Variants in DDX31 observed in about 807,000 individuals in gnomAD.
The protein encoded by DDX31 is ATP-dependent DNA helicase DDX31.
In DDX31, 70 loss-of-function variants were observed where a neutral mutation model predicts 91.3. The ratio of observed to expected loss-of-function variants is 0.77; its 90% CI spans 0.63 to 0.94. The LOEUF is 0.94. DDX31 is among the 40% of genes least tolerant of loss of function. The pLI is 0.00. For missense variants in DDX31, 902 were observed against 925.0 expected, an observed-to-expected ratio of 0.98 and a Z score of 0.32; for synonymous variants, 362 against 350.6, an observed-to-expected ratio of 1.03 and a Z score of -0.36.
chr9:132,624,827 C>A (rs1041523576), intron 17 of DDX31, among the ~76,000 whole-genome samples: 1 of 152,206 alleles, frequency 6.6e-6, no homozygotes, highest in Non-Finnish European at 1.5e-5. Flanking sequence ...TTAAGTCAGG[C>A]TCAGTGAAAC....
At chr9:132,628,658 C>T (rs917485109) in intron 16 of DDX31, among the ~76,000 whole-genome samples, 1 of 152,150 alleles carries the variant, frequency 6.6e-6, no homozygotes, top group Non-Finnish European at 1.5e-5. Flanking sequence ...TTGGGCTCTG[C>T]AACTGCTGTC....
At chr9:132,610,537 G>GTT (rs1483156977) in intron 19 of DDX31, among the ~76,000 whole-genome samples, 1 of 152,104 alleles carries the variant, frequency 6.6e-6, no homozygotes, top group African/African-American at 2.4e-5. Context: ...CCCCAGAGAG[G>GTT]TCAAGTTGGA....
At chr9:132,635,714 G>A (rs558381612) in intron 14 of DDX31, among the ~76,000 whole-genome samples, 1 of 151,466 alleles carries the variant, frequency 6.6e-6, no homozygotes, top group East Asian at 2.0e-4. Context: ...GGGGGGCCGA[G>A]GTGGGTGAAT....
At position 132,646,910 on chromosome 9, in the gene DDX31, T is replaced by G. The variant is rs138761694; in HGVS notation, c.1116A>C (p.Ile372=). 637 of 1,614,192 alleles carry G rather than the reference T, an allele frequency of 3.9e-4. 4 individuals carry two copies. In the African/African-American group the frequency reaches 7.0e-3, roughly 18 times the overall value. ...PAGDKLDSFA[I]PESLKQHVTV... ...TCACATGCTGCTTGAGACTCTCTGG[T>G]ATTGCAAAGCTGTCCAGCTTGTCGC... The change falls in exon 12 of 20, where the codon ATA becomes ATC. Residue 372 remains isoleucine, a synonymous_variant. Coordinates refer to ENST00000372159, the MANE Select transcript of DDX31 (RefSeq NM_022779.9).
At chr9:132,661,747 G>T (rs1834966344) in intron 3 of DDX31, among the ~76,000 whole-genome samples, 1 of 152,156 alleles carries the variant, frequency 6.6e-6, no homozygotes, top group Non-Finnish European at 1.5e-5. Context: ...TGAGTCTGGA[G>T]AACTCACTTT....
At chr9:132,653,788 T>A (rs991554095) in intron 6 of DDX31, among the ~76,000 whole-genome samples, 1 of 152,016 alleles carries the variant, frequency 6.6e-6, no homozygotes, top group African/African-American at 2.4e-5. Context: ...CACAAATGTG[T>A]ATATATAAAA....
At chr9:132,630,448 T>C in intron 15 of DDX31, 45 bp from the exon 16 acceptor site, 1 of 1,540,680 alleles carries the variant, frequency 6.5e-7, no homozygotes, top group Non-Finnish European at 8.9e-7. Flanking sequence ...ATCAAGGGAC[T>C]GCCATTAATT....
At chr9:132,617,740 C>T (rs946280455) in intron 18 of DDX31, among the ~76,000 whole-genome samples, 2 of 152,186 alleles carry the variant, frequency 1.3e-5, no homozygotes, top group African/African-American at 4.8e-5. Context: ...CTGCTTATTA[C>T]TCAACGTGAA....
chr9:132,619,420 G>A (rs888890349), intron 17 of DDX31, among the ~76,000 whole-genome samples: 7 of 152,126 alleles, frequency 4.6e-5, no homozygotes, highest in African/African-American at 9.7e-5. Context: ...GAGTGAGACC[G>A]GGTCGTGCTG....
At position 132,618,446 on chromosome 9, in the gene DDX31, GAGGGCGACGGA is replaced by G; in HGVS notation, c.1714-16_1714-6del. On this transcript the variant is annotated splice_polypyrimidine_tract_variant and splice_region_variant and intron_variant, in intron 17 of 19. Coordinates refer to ENST00000372159, the MANE Select transcript of DDX31 (RefSeq NM_022779.9). ...GGGGCCAACAGCATGGGATTTCTGAGAGGGCGACGGAAGGATTAAAGGAGAGATAGAGTCAA... is the reference window on the plus strand; with the variant it reads ...GGGGCCAACAGCATGGGATTTCTGAGAGGATTAAAGGAGAGATAGAGTCAA... 1 of 1,607,490 alleles carries G rather than the reference GAGGGCGACGGA, an allele frequency of 6.2e-7. No homozygotes were observed. Among genetic ancestry groups the G allele is most frequent in the Non-Finnish European group, 8.5e-7 (1 of 1,176,808 alleles).
intron 12 of DDX31, among the ~76,000 whole-genome samples, 178 bp from the exon 13 acceptor site, chr9:132,646,249 C>T (rs759370107): frequency 5.3e-5 from 8 of 152,112 alleles, no homozygotes; most frequent in Non-Finnish European, 8.8e-5. Flanking sequence ...ACAAAGAATG[C>T]AGGAGAGGAA....
intron 17 of DDX31, among the ~76,000 whole-genome samples, chr9:132,623,398 AT>A (rs1832169103): frequency 6.6e-6 from 1 of 151,492 alleles, no homozygotes; most frequent in Non-Finnish European, 1.5e-5. Context: ...TCTACTAAAA[AT>A]ACGAAAATTA....
chr9:132,654,747 T>C (rs2130808163), intron 6 of DDX31, among the ~76,000 whole-genome samples: 1 of 151,682 alleles, frequency 6.6e-6, no homozygotes, highest in South Asian at 2.1e-4. Flanking sequence ...GAAGTTCAAG[T>C]CCAGCTTGGC....
intron 6 of DDX31, among the ~76,000 whole-genome samples, chr9:132,653,028 T>C (rs1206664220): frequency 6.6e-6 from 1 of 151,934 alleles, no homozygotes; most frequent in Non-Finnish European, 1.5e-5. Flanking sequence ...CTAGAGGTCC[T>C]GGCCCATACA....
Position 132,649,130 on chromosome 9 carries a change from G to A in DDX31, c.741-579C>T, listed in dbSNP as rs72767884. ...ACATTTTTTTTTTCTTTGTAGAGAC[G>A]GGGGTCTCACTATGTTGCCTAGGCT... On this transcript the variant is annotated intron_variant, in intron 9 of 19. Coordinates refer to ENST00000372159, the MANE Select transcript of DDX31 (RefSeq NM_022779.9). 5.8e-3 allele frequency among the ~76,000 whole-genome samples: 875 copies of A among 151,974 alleles called. 4 individuals are homozygous for A. The highest frequency in any genetic ancestry group is 9.8e-3 in the Non-Finnish European group (663 of 67,960).
chr9:132,644,985 G>T (rs763164984), intron 13 of DDX31, among the ~76,000 whole-genome samples: 1 of 152,174 alleles, frequency 6.6e-6, no homozygotes, highest in African/African-American at 2.4e-5. Context: ...AGCAAAGAGA[G>T]GCTGGACTTG....
At chr9:132,657,740 C>T (rs757844435) in intron 6 of DDX31, among the ~76,000 whole-genome samples, 3 of 152,150 alleles carry the variant, frequency 2.0e-5, no homozygotes, top group Admixed American at 1.3e-4. Context: ...CTGAGAATAA[C>T]GAGGCTGTAT....
rs141746751 is a variant in DDX31, at chr9:132,645,935, C to A, written c.1340G>T (p.Arg447Leu). 16 of 1,613,514 alleles carry A rather than the reference C, an allele frequency of 9.9e-6. No individual in the cohort carries two copies. In the African/African-American group the frequency reaches 2.1e-4, roughly 22 times the overall value. ...ASGQLPSASM[R>L]LKFLRLHGGM... ...GCCATGCAGCCGTAGGAATTTTAAT[C>A]GCATGGAGGCAGATGGCAACTGCCC... Residue 447 changes from arginine (R) to leucine (L), a missense_variant, in exon 13 of 20, where the codon CGA becomes CTA. Transcript: ENST00000372159.
At chr9:132,616,880 T>A (rs544125745) in intron 18 of DDX31, among the ~76,000 whole-genome samples, 1 of 152,242 alleles carries the variant, frequency 6.6e-6, no homozygotes, top group South Asian at 2.1e-4. Context: ...ATTGCAATTA[T>A]AATGTGCTAA....
Sources: gnomAD v4.1 joint callset for allele counts (sites outside exome capture counted in the v4.1 genomes callset) on GRCh38, gnomAD v4.1.1 for gene constraint, MANE v1.5 for transcripts, NCBI Gene and HGNC (gene_info 2026-07-23, HGNC 2026-07-21) for gene names.